The following TEX9 variants were observed in gnomAD, a reference collection of about 807,000 sequenced individuals.
TEX9 encodes testis expressed 9, also known as testis-expressed protein 9.
A neutral mutation model predicts 59.6 loss-of-function variants in TEX9; 74 were observed. The observed-to-expected ratio is 1.24, with a 90% confidence interval of 1.03 to 1.51. The LOEUF is 1.51. Among genes scored for constraint, TEX9 ranks in the 40% most tolerant of loss-of-function variants. TEX9 has a pLI of 0.00. For missense variants in TEX9, 522 were observed against 447.8 expected, an observed-to-expected ratio of 1.17 and a Z score of -1.49; for synonymous variants, 186 against 152.2, an observed-to-expected ratio of 1.22 and a Z score of -1.64.
chr15:56,457,004 A>G, the TEX9 span, among the ~76,000 whole-genome samples: 6,770 of 152,290 alleles, frequency 0.044, 229 homozygotes, highest in Admixed American at 0.09. Context: ...TTCATATTCA[A>G]GCTTTCCCAA....
intron 1 of TEX9, among the ~76,000 whole-genome samples, chr15:56,282,966 T>C (rs945174295): frequency 6.6e-6 from 1 of 152,022 alleles, no homozygotes; most frequent in African/African-American, 2.4e-5. Flanking sequence ...ATTTGAGGAC[T>C]GAATGTATAA....
intron 7 of TEX9, among the ~76,000 whole-genome samples, chr15:56,393,027 G>T (rs1229462815): frequency 6.6e-6 from 1 of 152,182 alleles, no homozygotes; most frequent in Non-Finnish European, 1.5e-5. Context: ...TAAGATTAAA[G>T]CTAGGGTCGA....
chr15:56,453,307 C>G, the TEX9 span, among the ~76,000 whole-genome samples: 6 of 152,104 alleles, frequency 3.9e-5, no homozygotes, highest in Non-Finnish European at 5.9e-5. Context: ...CATTTTTCTT[C>G]TTCTATTAAT....
At chr15:56,385,139 T>C (rs1381096833) in intron 4 of TEX9, among the ~76,000 whole-genome samples, 1 of 152,194 alleles carries the variant, frequency 6.6e-6, no homozygotes, top group Non-Finnish European at 1.5e-5. Context: ...CTTAGCACTT[T>C]TGTCAAAAAT....
intron 1 of TEX9, among the ~76,000 whole-genome samples, chr15:56,285,983 A>G (rs1300017144): frequency 6.6e-6 from 1 of 152,192 alleles, no homozygotes; most frequent in East Asian, 1.9e-4. Context: ...TTAAAGTGCA[A>G]GATAGGCCAT....
At chr15:56,311,277 A>T (rs1273871671) in intron 1 of TEX9, among the ~76,000 whole-genome samples, 1 of 119,056 alleles carries the variant, frequency 8.4e-6, no homozygotes, top group Non-Finnish European at 1.8e-5. Context: ...ATATCTCCCA[A>T]TGCTATCCCT....
chr15:56,364,382 A>G (rs1301676765), upstream of TEX9, among the ~76,000 whole-genome samples: 1 of 148,928 alleles, frequency 6.7e-6, no homozygotes, highest in African/African-American at 2.5e-5. Flanking sequence ...TGAACTCCCA[A>G]CCTCAGGTGA....
chr15:56,323,747 GAA>G (rs2045956598), intron 1 of TEX9: 4 of 146,904 alleles, frequency 2.7e-5, no homozygotes, highest in Non-Finnish European at 5.8e-5. Flanking sequence ...AGAAGGAGGA[GAA>G]GGAGGAGAAG....
chr15:56,444,020 A>ATTT (rs2050865284), intron 12 of TEX9, among the ~76,000 whole-genome samples: 2 of 152,004 alleles, frequency 1.3e-5, no homozygotes, highest in Admixed American at 6.6e-5. Flanking sequence ...TCAGGTATGA[A>ATTT]TTTTTCTTTG....
At chr15:56,429,914 A>G (rs532082538) in intron 12 of TEX9, 2 of 152,324 alleles carry the variant, frequency 1.3e-5, no homozygotes, top group East Asian at 3.9e-4. Flanking sequence ...TCCCAAAGAA[A>G]GACATTCCTA....
chr15:56,346,630 T>C (rs1478090315), intron 1 of TEX9, among the ~76,000 whole-genome samples: 1 of 152,346 alleles, frequency 6.6e-6, no homozygotes, highest in East Asian at 1.9e-4. Flanking sequence ...ATATGCTTTA[T>C]GACTCAACCA....
exon 9 of TEX9, chr15:56,394,744 A>C: frequency 6.2e-7 from 1 of 1,612,454 alleles, no homozygotes; most frequent in Non-Finnish European, 8.5e-7. Flanking sequence ...TTAATATGCA[A>C]CAGTCTCAAG....
chr15:56,313,188 T>C (rs576538880), intron 1 of TEX9, among the ~76,000 whole-genome samples: 48 of 150,456 alleles, frequency 3.2e-4, no homozygotes, highest in Admixed American at 7.3e-4. Flanking sequence ...CTATGTTGAA[T>C]AGGAGTGGTG....
rs748573145 is a variant in TEX9 at position 56,365,535 on chromosome 15, A to G, written c.28-44A>G. ...TGGGTTCCGGCGACTAGGACGCCTA[A>G]CTTCCTTTAACTTCGGGTCTGAAAG... On this transcript the variant is annotated intron_variant, in intron 1 of 12. Coordinates refer to ENST00000352903, the Ensembl canonical transcript of TEX9. The G allele has an allele frequency of 3.7e-6, 6 of 1,614,082 alleles. No individual in the cohort carries two copies. In the Admixed American group the frequency reaches 8.3e-5, roughly 22 times the overall value.
At chr15:56,352,423 T>G (rs978257537) in intron 1 of TEX9, among the ~76,000 whole-genome samples, 4 of 151,884 alleles carry the variant, frequency 2.6e-5, no homozygotes, top group Non-Finnish European at 5.9e-5. Flanking sequence ...TTTTTTTTTT[T>G]TGTATTTTTA....
intron 9 of TEX9, among the ~76,000 whole-genome samples, chr15:56,400,765 C>T (rs1422814419): frequency 6.6e-6 from 1 of 152,176 alleles, no homozygotes; most frequent in Non-Finnish European, 1.5e-5. Flanking sequence ...AAGGGAAGCC[C>T]ATCAGACTAA....
At chr15:56,274,214 C>A (rs1424189161) in intron 1 of TEX9, among the ~76,000 whole-genome samples, 1 of 152,042 alleles carries the variant, frequency 6.6e-6, no homozygotes, top group East Asian at 1.9e-4. Context: ...TGGATAATTT[C>A]TATTGACCTA....
chr15:56,440,459 C>T (rs1428563848), intron 12 of TEX9, among the ~76,000 whole-genome samples: 1 of 152,162 alleles, frequency 6.6e-6, no homozygotes, highest in African/African-American at 2.4e-5. Context: ...CTAATACAAT[C>T]TTGAGCATTT....
At chr15:56,431,038 G>A (rs1481370833) in intron 12 of TEX9, among the ~76,000 whole-genome samples, 1 of 152,168 alleles carries the variant, frequency 6.6e-6, no homozygotes, top group Admixed American at 6.5e-5. Context: ...GCAAACGCCT[G>A]TAATCCCAGC....
Sources: gnomAD v4.1 joint callset for allele counts (sites outside exome capture counted in the v4.1 genomes callset) on GRCh38, gnomAD v4.1.1 for gene constraint, MANE v1.5 for transcripts, NCBI Gene and HGNC (gene_info 2026-07-23, HGNC 2026-07-21) for gene names.